The following ATP9B variants were observed in gnomAD, a reference collection of about 807,000 sequenced individuals.
The protein encoded by ATP9B is probable phospholipid-transporting ATPase IIB.
A neutral mutation model predicts 146.1 loss-of-function variants in ATP9B; 110 were observed. The ratio of observed to expected loss-of-function variants is 0.75; its 90% CI spans 0.65 to 0.88. The LOEUF is 0.88. Among genes scored for constraint, ATP9B ranks in the 40% least tolerant of loss-of-function variants. The pLI, the probability that ATP9B is intolerant of heterozygous loss-of-function variation, is 0.00. For synonymous variants in ATP9B, 604 were observed against 569.7 expected (o/e 1.06, Z -0.86); for missense variants, 1,499 against 1,496.4 (o/e 1.00, Z -0.03).
chr18:79,104,934 G>C (rs1387329566), intron 2 of ATP9B, among the ~76,000 whole-genome samples: 8 of 151,850 alleles, frequency 5.3e-5, no homozygotes, highest in Non-Finnish European at 1.0e-4. Context: ...ATAGAGGCAG[G>C]GTCTTTCTAT....
intron 5 of ATP9B, among the ~76,000 whole-genome samples, chr18:79,138,505 T>C (rs2094473636): frequency 6.6e-6 from 1 of 152,172 alleles, no homozygotes; most frequent in South Asian, 2.1e-4. Context: ...ACGATATGCC[T>C]CAAACTCTAC....
At position 79,329,302 on chromosome 18, in the gene ATP9B, G is replaced by A. The variant is rs771956202; in HGVS notation, c.1935G>A (p.Arg645=). The A allele has an allele frequency of 2.5e-6, 4 of 1,595,332 alleles. No homozygotes were observed. Among genetic ancestry groups the A allele is most frequent in the African/African-American group, 1.3e-5 (1 of 74,140 alleles). Residue 645 remains arginine (R), a splice_region_variant and synonymous_variant, in exon 16 of 30, where the codon AGG becomes AGA. Coordinates refer to ENST00000426216, the MANE Select transcript of ATP9B (RefSeq NM_198531.5). Reference sequence around the variant, plus strand: ...GCAAGCGGATGGGCGTCATCGTCAGGGTGAGGCTGCGGGGAGGGTGCCACG... The same window carrying A: ...GCAAGCGGATGGGCGTCATCGTCAGAGTGAGGCTGCGGGGAGGGTGCCACG... ...SESKRMGVIV[R]DESTAEITFY...
Position 79,103,855 on chromosome 18 carries a change from G to A in ATP9B, c.294-6500G>A, listed in dbSNP as rs74367515. Among the ~76,000 whole-genome samples, 1,015 of 152,252 alleles carry A rather than the reference G, an allele frequency of 6.7e-3. 10 individuals carry two copies. The highest frequency in any genetic ancestry group is 0.023 in the African/African-American group (971 of 41,530). ...GAGTTGTGGTGAGGTAGGCCCCCACGACGTTGTGAATTGATGAGTTTGTAG... is the reference window on the plus strand; with the variant it reads ...GAGTTGTGGTGAGGTAGGCCCCCACAACGTTGTGAATTGATGAGTTTGTAG... On this transcript the variant is annotated intron_variant, in intron 2 of 29. Transcript: ENST00000426216.
intron 15 of ATP9B, among the ~76,000 whole-genome samples, chr18:79,327,530 G>GTGGTTAGCGTGCTCTCTCCA (rs2096757179): frequency 9.2e-6 from 1 of 109,236 alleles, no homozygotes; most frequent in Admixed American, 8.9e-5. Flanking sequence ...CGTGCTCTCC[G>GTGGTTAGCGTGCTCTCTCCA]TGGTTAGCGT....
chr18:79,286,595 T>C (rs527629174), intron 13 of ATP9B, among the ~76,000 whole-genome samples: 6 of 152,288 alleles, frequency 3.9e-5, no homozygotes, highest in Admixed American at 1.3e-4. Flanking sequence ...CTTTCCCTAA[T>C]TGAATACCCT....
chr18:79,088,270 T>C (rs1430456407), intron 1 of ATP9B, among the ~76,000 whole-genome samples: 3 of 152,238 alleles, frequency 2.0e-5, no homozygotes, highest in Non-Finnish European at 2.9e-5. Flanking sequence ...AACTGTTGAA[T>C]AACTTAATGA....
At position 79,327,585 on chromosome 18, in the gene ATP9B, TG is replaced by T. The variant is rs1211863670; in HGVS notation, c.1774-1554del. 1.7e-4 allele frequency among the ~76,000 whole-genome samples: 23 copies of T among 136,556 alleles called. 1 individual carries two copies. Among genetic ancestry groups the T allele is most frequent in the African/African-American group, 3.8e-4 (13 of 34,416 alleles). 89.6% of individuals were successfully genotyped at this position (136,556 alleles called of 152,430 possible). On this transcript the variant is annotated intron_variant, in intron 15 of 29. Coordinates refer to ENST00000426216, the MANE Select transcript of ATP9B (RefSeq NM_198531.5). ...CTCTCCGTGGTTAGCGTGCTCTCCG[TG>T]GTTAACGTGCCCTCCGTGGTTAGCG...
At chr18:79,292,722 T>A (rs966845406) in intron 13 of ATP9B, among the ~76,000 whole-genome samples, 1 of 141,770 alleles carries the variant, frequency 7.1e-6, no homozygotes, top group Admixed American at 7.2e-5. Context: ...GAGTGGGGGG[T>A]GGGTGAAAGA....
rs2096874039 is a variant in ATP9B at position 79,344,264 on chromosome 18, G to A, written c.2383-1G>A. 6.2e-7 allele frequency: 1 copy of A among 1,613,944 alleles called. No individual in the cohort carries two copies. Among genetic ancestry groups the A allele is most frequent in the Non-Finnish European group, 8.5e-7 (1 of 1,179,822 alleles). On this transcript the variant is annotated splice_acceptor_variant, in intron 20 of 29. Coordinates refer to ENST00000426216, the MANE Select transcript of ATP9B (RefSeq NM_198531.5). LOFTEE classifies it high-confidence loss of function. Reference sequence around the variant, plus strand: ...GGGATTCTTTTTCTCCCTTAATGGAGGTAACCAGTCGGGGAGAGGCACATT... The same window carrying A: ...GGGATTCTTTTTCTCCCTTAATGGAAGTAACCAGTCGGGGAGAGGCACATT...
chr18:79,285,853 A>G (rs2096433736), intron 13 of ATP9B, among the ~76,000 whole-genome samples: 1 of 151,994 alleles, frequency 6.6e-6, no homozygotes, highest in African/African-American at 2.4e-5. Context: ...CAGTTTTCCC[A>G]GCACCATTTA....
At chr18:79,236,771 C>T (rs2095845249) in intron 11 of ATP9B, among the ~76,000 whole-genome samples, 1 of 149,102 alleles carries the variant, frequency 6.7e-6, no homozygotes, top group African/African-American at 2.5e-5. Context: ...GTGCACGAGT[C>T]AGTGTCCACA....
chr18:79,213,910 T>G (rs2095604951), intron 10 of ATP9B, 52 bp from the exon 11 acceptor site: 1 of 1,308,498 alleles, frequency 7.6e-7, no homozygotes, highest in Non-Finnish European at 1.1e-6. Context: ...AAGTGTTATC[T>G]TTTACTCATC....
At position 79,199,762 on chromosome 18, in the gene ATP9B, GAAAAA is replaced by G. The variant is rs61015454; in HGVS notation, c.954+6511_954+6515del. ...CTGGTGACAGAACAAGACTACATCT[GAAAAA>G]AAAAAAAAAAAGAAAAATGCAGACA... On this transcript the variant is annotated intron_variant, in intron 9 of 29. Transcript: ENST00000426216. Among the ~76,000 whole-genome samples the G allele has an allele frequency of 5.7e-5, 8 of 139,584 alleles. No individual in the cohort carries two copies. The East Asian group carries it at 1.3e-3, about 23-fold the overall frequency. 91.6% of individuals were successfully genotyped at this position (139,584 alleles called of 152,430 possible). A position where few individuals can be genotyped will look rare whatever the true frequency, so the allele number is the denominator to read the frequency against.
intron 6 of ATP9B, 136 bp downstream of exon 6, chr18:79,143,996 G>C (rs547056178): frequency 1.9e-6 from 1 of 513,430 alleles, no homozygotes; most frequent in East Asian, 3.1e-5. Context: ...AAGATTTGTT[G>C]TATGTGAAGA....
Position 79,365,804 on chromosome 18 carries a change from G to A in ATP9B, c.3012+6342G>A, listed in dbSNP as rs376092122. Among the ~76,000 whole-genome samples, 16 of 151,686 alleles carry A rather than the reference G, an allele frequency of 1.1e-4. 1 individual carries two copies. In the East Asian group the frequency reaches 3.1e-3, roughly 29 times the overall value. Reference sequence around the variant, plus strand: ...GTGGATGGAGGACAACTCCGTGGACGGGGACAGCCCGTGTGTGATGGAAGG... The same window carrying A: ...GTGGATGGAGGACAACTCCGTGGACAGGGACAGCCCGTGTGTGATGGAAGG... On this transcript the variant is annotated intron_variant, in intron 26 of 29. Coordinates refer to ENST00000426216, the MANE Select transcript of ATP9B (RefSeq NM_198531.5).
chr18:79,371,044 A>T (rs2147989968), intron 26 of ATP9B, among the ~76,000 whole-genome samples: 1 of 152,316 alleles, frequency 6.6e-6, no homozygotes, highest in Non-Finnish European at 1.5e-5. Context: ...GGAGTATATA[A>T]ATGGTTTAAC....
intron 13 of ATP9B, among the ~76,000 whole-genome samples, chr18:79,280,144 T>G (rs1163501669): frequency 4.6e-5 from 7 of 152,330 alleles, no homozygotes; most frequent in Admixed American, 1.3e-4. Context: ...AGTTGAATAC[T>G]AAATAGCAGT....
chr18:79,240,183 C>T (rs1325428533), intron 11 of ATP9B, among the ~76,000 whole-genome samples: 1 of 152,196 alleles, frequency 6.6e-6, no homozygotes, highest in Non-Finnish European at 1.5e-5. Context: ...GGCCTACTGC[C>T]TTGGTAGGTC....
At chr18:79,220,113 C>T (rs560485163) in intron 11 of ATP9B, among the ~76,000 whole-genome samples, 98 of 152,092 alleles carry the variant, frequency 6.4e-4, no homozygotes, top group African/African-American at 2.3e-3. Context: ...CAGGGACAGC[C>T]GGTCGTGATG....
Sources: allele counts gnomAD v4.1 joint callset (sites outside exome capture counted in the v4.1 genomes callset), GRCh38; gene constraint gnomAD v4.1.1; transcripts MANE v1.5; gene names NCBI Gene and HGNC (gene_info 2026-07-23, HGNC 2026-07-21).